Variants in WSCD1 observed in about 807,000 individuals in gnomAD.
WSCD1 encodes WSC domain sialate O sulfotransferase 1.
A neutral mutation model predicts 60.4 loss-of-function variants in WSCD1; 41 were observed. The observed-to-expected ratio is 0.68, with a 90% CI of 0.53 to 0.88. WSCD1 has a LOEUF of 0.88. Among genes scored for constraint, WSCD1 ranks in the 40% least tolerant of loss-of-function variants. The pLI is 0.00. For missense variants in WSCD1, 784 were observed against 796.2 expected (o/e 0.98, Z 0.18); for synonymous variants, 361 against 332.5 (o/e 1.09, Z -0.93).
intron 5 of WSCD1, among the ~76,000 whole-genome samples, chr17:6,109,050 A>T (rs1241872853): frequency 2.6e-5 from 4 of 152,046 alleles, no homozygotes; most frequent in Non-Finnish European, 4.4e-5. Flanking sequence ...CTTTCCAGGG[A>T]GGTGGCTGGC....
chr17:6,080,352 C>T lies in WSCD1; in HGVS notation c.-288-19C>T, dbSNP rs990157623. Reference sequence around the variant, plus strand: ...TGGACCCGCCTATTACATCTCGGTGCTCTTTCTCCACCTTCCAGATTTCTG... The same window carrying T: ...TGGACCCGCCTATTACATCTCGGTGTTCTTTCTCCACCTTCCAGATTTCTG... On this transcript the variant is annotated intron_variant, in intron 1 of 8. Transcript: ENST00000317744. This position sits in a 1 kb window ranked among gnomAD's most constrained non-coding sequence, Gnocchi z 6.6. 6.7e-5 allele frequency: 28 copies of T among 415,304 alleles called. No individual in the cohort carries two copies. Among genetic ancestry groups the T allele is most frequent in the Non-Finnish European group, 1.2e-4 (27 of 232,278 alleles). 25.7% of individuals were successfully genotyped at this position (415,304 alleles called of 1,614,324 possible).
rs1257317239 is a variant in WSCD1 at position 6,101,001 on chromosome 17, G to C, written c.849+5778G>C. Among the ~76,000 whole-genome samples, 2 of 152,200 alleles carry C rather than the reference G, an allele frequency of 1.3e-5. No homozygotes were observed. The highest frequency in any genetic ancestry group is 1.5e-5 in the Non-Finnish European group (1 of 68,038). ...TTGGAAGTTGATCTGACCCAGACCT[G>C]CAGAGGCCAGAGAACTCTTTGCAGG... is the stretch of plus-strand genomic sequence containing the variant. On this transcript the variant is annotated intron_variant, in intron 5 of 8. Transcript: ENST00000317744. This position sits in a 1 kb window ranked among gnomAD's most constrained non-coding sequence, Gnocchi z 4.1.
intron 5 of WSCD1, among the ~76,000 whole-genome samples, chr17:6,100,121 G>T (rs1381120291): frequency 6.6e-6 from 1 of 152,178 alleles, no homozygotes; most frequent in Non-Finnish European, 1.5e-5. Flanking sequence ...AAAGAAGGGA[G>T]TAGGTCTAAG....
intron 2 of WSCD1, among the ~76,000 whole-genome samples, chr17:6,081,730 A>G (rs1042788697): frequency 6.6e-6 from 1 of 151,946 alleles, no homozygotes; most frequent in Non-Finnish European, 1.5e-5. Flanking sequence ...AAAAAATTAG[A>G]CGTGTCACTT....
chr17:6,094,977 G>T, intron 4 of WSCD1, 125 bp from the exon 5 acceptor site: 1 of 1,443,000 alleles, frequency 6.9e-7, no homozygotes, highest in Non-Finnish European at 9.3e-7. Flanking sequence ...TTCCCTCCCT[G>T]ATTTGAACTC....
rs1909928638 is a variant in WSCD1, at chr17:6,090,178, C to T, written c.543-143C>T. The T allele has an allele frequency of 3.6e-6, 3 of 831,940 alleles. No homozygotes were observed. In the South Asian group the frequency reaches 6.8e-5, roughly 19 times the overall value. 51.5% of individuals were successfully genotyped at this position (831,940 alleles called of 1,614,324 possible). ...TAACCTGCACGTTGTGCACATGTAC[C>T]CTAAAACTTAAAGTATAATTAAAAC... On this transcript the variant is annotated intron_variant, in intron 3 of 8. Transcript: ENST00000317744.
intron 2 of WSCD1, among the ~76,000 whole-genome samples, chr17:6,087,595 G>T (rs550484277): frequency 6.6e-6 from 1 of 152,306 alleles, no homozygotes; most frequent in East Asian, 1.9e-4. Flanking sequence ...GTCTCTCAGG[G>T]CATTTGCCAA....
intron 4 of WSCD1, among the ~76,000 whole-genome samples, chr17:6,091,146 G>A (rs189105515): frequency 6.6e-6 from 1 of 152,106 alleles, no homozygotes; most frequent in Non-Finnish European, 1.5e-5. Flanking sequence ...TGCCTGTCTC[G>A]GCCTCCCAGA....
In WSCD1 at chr17:6,095,139, A is replaced by G. The variant is rs369891664; in HGVS notation, c.765A>G (p.Pro255=). The change falls in exon 5 of 9, where the codon CCA becomes CCG. Residue 255 remains proline (P), a synonymous_variant. Coordinates refer to ENST00000317744, the MANE Select transcript of WSCD1 (RefSeq NM_015253.2). ...CCTACCGCGGATGCTTCCGACTGCCAGAGAACATCACACATGCCTTCCCCA... is the reference window on the plus strand; with the variant it reads ...CCTACCGCGGATGCTTCCGACTGCCGGAGAACATCACACATGCCTTCCCCA... ...TATYRGCFRL[P]ENITHAFPSS... The G allele has an allele frequency of 6.2e-6, 10 of 1,613,608 alleles. No homozygotes were observed. The highest frequency in any genetic ancestry group is 8.5e-6 in the Non-Finnish European group (10 of 1,179,854).
intron 3 of WSCD1, among the ~76,000 whole-genome samples, chr17:6,089,847 C>T (rs572128506): frequency 8.5e-5 from 13 of 152,264 alleles, no homozygotes; most frequent in African/African-American, 3.1e-4. Context: ...TGGTTCCATT[C>T]GTTTATCACA....
rs1327040796 is a variant in WSCD1, at chr17:6,124,203, A to C, written c.*3542A>C. 1 of 152,170 alleles carries C rather than the reference A, an allele frequency of 6.6e-6. No individual in the cohort carries two copies. The highest frequency in any genetic ancestry group is 1.5e-5 in the Non-Finnish European group (1 of 68,036). The allele number at this position is 152,170 out of a possible 1,614,324, so 9.4% of individuals were successfully genotyped here. ...TGTTTTAATTCCCCTGTTGAATGTGAAAAAGGTAGTAGTATTCCTGGGTCT... is the reference window on the plus strand; with the variant it reads ...TGTTTTAATTCCCCTGTTGAATGTGCAAAAGGTAGTAGTATTCCTGGGTCT... On this transcript the variant is annotated 3_prime_UTR_variant, in exon 9 of 9. Coordinates refer to ENST00000317744, the MANE Select transcript of WSCD1 (RefSeq NM_015253.2).
intron 1 of WSCD1, chr17:6,070,993 G>A (rs1597346493): frequency 6.6e-6 from 1 of 152,050 alleles, no homozygotes; most frequent in African/African-American, 2.4e-5. Context: ...GGGCGCTGCG[G>A]TTGGTCCCGG....
chr17:6,103,905 C>T (rs1381821006), intron 5 of WSCD1, among the ~76,000 whole-genome samples: 2 of 152,176 alleles, frequency 1.3e-5, no homozygotes, highest in Non-Finnish European at 2.9e-5. Flanking sequence ...CTCAATTCAG[C>T]TAAATTTAAA....
At chr17:6,091,657 C>T (rs538011102) in intron 4 of WSCD1, among the ~76,000 whole-genome samples, 2 of 152,286 alleles carry the variant, frequency 1.3e-5, no homozygotes, top group African/African-American at 4.8e-5. Context: ...ATGCTGGGGG[C>T]CATTCTTTTC....
chr17:6,091,145 C>T (rs749921903), intron 4 of WSCD1, among the ~76,000 whole-genome samples: 4 of 152,194 alleles, frequency 2.6e-5, no homozygotes, highest in Non-Finnish European at 4.4e-5. Flanking sequence ...CTGCCTGTCT[C>T]GGCCTCCCAG....
chr17:6,089,695 G>A (rs140099731), intron 3 of WSCD1, among the ~76,000 whole-genome samples: 1 of 152,254 alleles, frequency 6.6e-6, no homozygotes, highest in Non-Finnish European at 1.5e-5. Flanking sequence ...ACAGAAATTG[G>A]CAAACAGTAC....
chr17:6,070,838 G>A (rs1047017493), intron 1 of WSCD1, among the ~76,000 whole-genome samples, 186 bp downstream of exon 1: 21 of 150,816 alleles, frequency 1.4e-4, no homozygotes, highest in Non-Finnish European at 2.5e-4. Flanking sequence ...CTCGGCCGGG[G>A]CAGGGGAGAG....
Position 6,080,768 on chromosome 17 carries a change from G to C in WSCD1, c.110G>C (p.Arg37Pro). The C allele has an allele frequency of 1.2e-6, 2 of 1,611,950 alleles. No individual in the cohort carries two copies. The highest frequency in any genetic ancestry group is 3.3e-5 in the Admixed American group (2 of 59,922). The change falls in exon 2 of 9, where the codon CGG (arginine) becomes CCG (proline). Residue 37 changes from arginine to proline, a missense_variant. Arg to Pro is a moderately radical substitution (Grantham distance 103). Transcript: ENST00000317744. This position sits in a 1 kb window ranked among gnomAD's most constrained non-coding sequence, Gnocchi z 6.6. ...ACCGGCAGCCTGCTGCTGCTGCAGC[G>C]GGTCCGCGTGGCTCTCCCACAGGGC... ...LMTGSLLLLQRVRVALPQGPR... is the reference protein window; with the variant it reads ...LMTGSLLLLQPVRVALPQGPR...
intron 7 of WSCD1, among the ~76,000 whole-genome samples, chr17:6,112,279 A>G (rs1253802925): frequency 1.3e-5 from 2 of 152,232 alleles, no homozygotes; most frequent in African/African-American, 4.8e-5. Flanking sequence ...AACAATCAAC[A>G]AATTAGGTAT....
Sources: gnomAD v4.1 joint callset for allele counts (sites outside exome capture counted in the v4.1 genomes callset) on GRCh38, gnomAD v4.1.1 for gene constraint, Gnocchi (gnomAD v3.1) non-coding constraint, MANE v1.5 for transcripts, NCBI Gene and HGNC (gene_info 2026-07-23, HGNC 2026-07-21) for gene names.